KIAA1549: variants seen among roughly 807,000 people sequenced by gnomAD.
KIAA1549 encodes the protein KIAA1549.
A neutral mutation model predicts 156.4 loss-of-function variants in KIAA1549; 70 were observed. The ratio of observed to expected loss-of-function variants is 0.45; its 90% CI spans 0.37 to 0.55. The LOEUF (loss-of-function observed/expected upper bound fraction) is 0.55, where lower values mean the gene tolerates loss of function less well. Ranked by LOEUF, KIAA1549 falls within the 20% of genes least tolerant of loss-of-function variation. The probability of loss-of-function intolerance (pLI) is 0.00; values close to 1 mark genes in which losing one functional copy is unlikely to be tolerated. For missense variants in KIAA1549, 2,428 were observed against 2,540.9 expected, an observed-to-expected ratio of 0.96 and a Z score of 0.96; for synonymous variants, 1,103 against 1,066.4, an observed-to-expected ratio of 1.03 and a Z score of -0.67.
intron 1 of KIAA1549, among the ~76,000 whole-genome samples, chr7:138,947,509 C>T (rs989565281): frequency 5.3e-5 from 8 of 152,164 alleles, no homozygotes; most frequent in Non-Finnish European, 1.2e-4. Context: ...AATTCCCAAG[C>T]ACACCTCCAC....
chr7:138,948,154 C>T (rs1205909794), intron 1 of KIAA1549, among the ~76,000 whole-genome samples: 1 of 152,180 alleles, frequency 6.6e-6, no homozygotes, highest in African/African-American at 2.4e-5. Flanking sequence ...CCCCCACTAT[C>T]TCAGAATGTG....
chr7:138,844,173 C>T, intron 18 of KIAA1549, 144 bp downstream of exon 18: 1 of 914,984 alleles, frequency 1.1e-6, no homozygotes, highest in South Asian at 1.5e-5. Flanking sequence ...CCGCCTCCAT[C>T]TCGGTCAGGA....
intron 10 of KIAA1549, among the ~76,000 whole-genome samples, chr7:138,887,523 T>C (rs1015589085): frequency 6.6e-6 from 1 of 152,072 alleles, no homozygotes; most frequent in Non-Finnish European, 1.5e-5. Flanking sequence ...ACTAGTGATT[T>C]TCCTGAGAGC....
chr7:138,895,565 C>T (rs1811662063), intron 9 of KIAA1549, among the ~76,000 whole-genome samples: 1 of 151,752 alleles, frequency 6.6e-6, no homozygotes, highest in African/African-American at 2.4e-5. Flanking sequence ...CATGAGGTAT[C>T]TAGAAAAAAA....
At chr7:138,908,749 T>G (rs1046543673) in intron 5 of KIAA1549, among the ~76,000 whole-genome samples, 1 of 152,144 alleles carries the variant, frequency 6.6e-6, no homozygotes, top group Non-Finnish European at 1.5e-5. Context: ...CTGAATATGG[T>G]CATGTTTCTT....
chr7:138,973,997 T>C (rs892943850), intron 1 of KIAA1549, among the ~76,000 whole-genome samples: 3 of 152,132 alleles, frequency 2.0e-5, no homozygotes, highest in African/African-American at 7.2e-5. Flanking sequence ...AATGAATGAA[T>C]GTACAGGTGA....
chr7:138,881,344 G>A (rs1482260199), intron 11 of KIAA1549, 44 bp downstream of exon 11: 2 of 1,564,152 alleles, frequency 1.3e-6, no homozygotes, highest in South Asian at 2.4e-5. Context: ...GATAACAGAA[G>A]CATGCTCTGC....
At chr7:138,868,910 C>G (rs941571295) in intron 14 of KIAA1549, among the ~76,000 whole-genome samples, 1 of 152,120 alleles carries the variant, frequency 6.6e-6, no homozygotes. Flanking sequence ...GGGGCAGGGC[C>G]GGCCTGCGAC....
intron 4 of KIAA1549, among the ~76,000 whole-genome samples, chr7:138,910,390 T>C (rs901107662): frequency 7.3e-6 from 1 of 136,644 alleles, no homozygotes; most frequent in South Asian, 2.4e-4. Flanking sequence ...ATAATGTTTC[T>C]TAAATTCTTT....
At chr7:138,848,219 C>A (rs892841959) in intron 17 of KIAA1549, among the ~76,000 whole-genome samples, 1 of 152,150 alleles carries the variant, frequency 6.6e-6, no homozygotes, top group African/African-American at 2.4e-5. Flanking sequence ...TGTTACAGAG[C>A]AATTTTGAAT....
chr7:138,868,708 T>TA lies in KIAA1549; in HGVS notation c.4776-581dup, dbSNP rs377068683. ...TTGGCCTCCCAAAGTGCTGGAATTA[T>TA]AGGCGTGAGCCACCACGCCTGGCCC... On this transcript the variant is annotated intron_variant, in intron 14 of 19. Coordinates refer to ENST00000422774, the MANE Select transcript of KIAA1549 (RefSeq NM_001164665.2). Among the ~76,000 whole-genome samples, 669 of 152,250 alleles carry TA rather than the reference T, an allele frequency of 4.4e-3. 10 individuals are homozygous for TA. Among genetic ancestry groups the TA allele is most frequent in the African/African-American group, 0.015 (619 of 41,532 alleles).
chr7:138,945,420 T>C (rs1169183919), intron 1 of KIAA1549, among the ~76,000 whole-genome samples: 1 of 152,264 alleles, frequency 6.6e-6, no homozygotes, highest in Non-Finnish European at 1.5e-5. Flanking sequence ...GTACTACCTC[T>C]GGGTTGTTAG....
At chr7:138,862,523 AG>A (rs1258714066) in intron 15 of KIAA1549, among the ~76,000 whole-genome samples, 1 of 151,206 alleles carries the variant, frequency 6.6e-6, no homozygotes, top group East Asian at 1.9e-4. Flanking sequence ...AAAAAGAAAA[AG>A]AAAAAAAAAA....
chr7:138,954,223 A>G (rs1408198824), intron 1 of KIAA1549, among the ~76,000 whole-genome samples: 1 of 152,248 alleles, frequency 6.6e-6, no homozygotes, highest in East Asian at 1.9e-4. Flanking sequence ...ATTGGTAAAA[A>G]TAAGAGCTAA....
chr7:138,972,940 G>GC lies in KIAA1549; in HGVS notation c.187+8142dup, dbSNP rs529035899. Among the ~76,000 whole-genome samples the GC allele has an allele frequency of 5.9e-3, 892 of 152,178 alleles. 4 individuals are homozygous for GC. Among genetic ancestry groups the GC allele is most frequent in the African/African-American group, 0.02 (850 of 41,498 alleles). ...AGATTCAAGTGATTCTCATGCCTCA[G>GC]CCCCCCGAATAGCTAGGATTGCAGG... On this transcript the variant is annotated intron_variant, in intron 1 of 19. Transcript: ENST00000422774.
chr7:138,931,999 T>C (rs1004660501), intron 1 of KIAA1549, among the ~76,000 whole-genome samples: 1 of 152,050 alleles, frequency 6.6e-6, no homozygotes, highest in African/African-American at 2.4e-5. Flanking sequence ...TGTGTATGTG[T>C]GCAGGAGACA....
At chr7:138,912,541 T>G in intron 2 of KIAA1549, 81 bp from the exon 3 acceptor site, 1 of 1,102,526 alleles carries the variant, frequency 9.1e-7, no homozygotes, top group Non-Finnish European at 1.4e-6. Context: ...ACCCCAGCAC[T>G]GTGCCAAAAT....
Position 138,837,866 on chromosome 7 carries a change from C to A in KIAA1549, c.*40G>T. On this transcript the variant is annotated 3_prime_UTR_variant, in exon 20 of 20. Transcript: ENST00000422774. ...TGATTTCCTTTTGGTCTTGCTTCCA[C>A]AGGAAGCGGATACTTGGCAAATCTG... 1 of 1,596,458 alleles carries A rather than the reference C, an allele frequency of 6.3e-7. No individual in the cohort carries two copies. The highest frequency in any genetic ancestry group is 1.7e-5 in the Admixed American group (1 of 58,486).
chr7:138,839,883 G>A (rs1391097323), intron 19 of KIAA1549, among the ~76,000 whole-genome samples: 1 of 145,904 alleles, frequency 6.9e-6, no homozygotes, highest in Non-Finnish European at 1.5e-5. Context: ...CATCTCCCGG[G>A]TTCAAGTGAT....
Sources: gnomAD v4.1 joint callset for allele counts (sites outside exome capture counted in the v4.1 genomes callset) on GRCh38, gnomAD v4.1.1 for gene constraint, MANE v1.5 for transcripts, NCBI Gene and HGNC (gene_info 2026-07-23, HGNC 2026-07-21) for gene names.